Variants in SLC17A9 observed in about 807,000 individuals in gnomAD.
SLC17A9 encodes the protein solute carrier family 17 member 9, also known as voltage-gated purine nucleotide uniporter SLC17A9.
A neutral mutation model predicts 55.0 loss-of-function variants in SLC17A9; 49 were observed. That is an observed-to-expected ratio of 0.89 (90% CI 0.71 to 1.13). SLC17A9 has a LOEUF of 1.13. Ranked by LOEUF, SLC17A9 falls within the 50% of genes most tolerant of loss-of-function variation. SLC17A9 has a pLI of 0.00. For missense variants in SLC17A9, 526 were observed against 569.3 expected (o/e 0.92, Z 0.77); for synonymous variants, 256 against 247.4 (o/e 1.03, Z -0.32).
In SLC17A9 at chr20:62,956,855, C is replaced by A. The variant is rs376627851; in HGVS notation, c.150C>A (p.Ser50=). The A allele has an allele frequency of 1.2e-6, 2 of 1,613,414 alleles. No individual in the cohort carries two copies. Among genetic ancestry groups the A allele is most frequent in the African/African-American group, 2.7e-5 (2 of 74,944 alleles). ...ARSSMPICTV[S]MSQDFGWNKK... Reference sequence around the variant, plus strand: ...CCAGCATGCCCATCTGCACCGTCTCCATGAGCCAGGACTTCGGCTGGAACA... The same window carrying A: ...CCAGCATGCCCATCTGCACCGTCTCAATGAGCCAGGACTTCGGCTGGAACA... Residue 50 remains serine (S), a synonymous_variant, in exon 2 of 13, where the codon TCC becomes TCA. Transcript: ENST00000370351.
chr20:62,953,382 G>C, intron 1 of SLC17A9: 1 of 1,333,092 alleles, frequency 7.5e-7, no homozygotes, highest in Non-Finnish European at 1.0e-6. Flanking sequence ...AGCTCTCGGA[G>C]CATTTGGTGG....
chr20:62,964,105 G>T, intron 7 of SLC17A9, 123 bp from the exon 8 acceptor site: 1 of 934,750 alleles, frequency 1.1e-6, no homozygotes. Flanking sequence ...GAGCAGGGCT[G>T]GCCCTGCCGG....
intron 12 of SLC17A9, 81 bp from the exon 13 acceptor site, chr20:62,967,256 G>A: frequency 6.5e-7 from 1 of 1,546,060 alleles, no homozygotes; most frequent in Non-Finnish European, 8.8e-7. Flanking sequence ...CCTTCCCCTG[G>A]CACTACCTTG....
In SLC17A9 at chr20:62,956,760, C is replaced by T. The variant is rs370503193; in HGVS notation, c.60-5C>T. On this transcript the variant is annotated splice_region_variant and splice_polypyrimidine_tract_variant and intron_variant, in intron 1 of 12. Transcript: ENST00000370351. ...CCCAGGGCCTGACCATCTCCTGTCC[C>T]ACAGGCCCGAGTGCCAGGCATGGAC... 13 of 1,609,950 alleles carry T rather than the reference C, an allele frequency of 8.1e-6. No individual in the cohort carries two copies. Among genetic ancestry groups the T allele is most frequent in the Non-Finnish European group, 1.0e-5 (12 of 1,179,234 alleles).
intron 8 of SLC17A9, among the ~76,000 whole-genome samples, chr20:62,964,531 G>A (rs981420651): frequency 2.6e-5 from 4 of 152,180 alleles, no homozygotes; most frequent in Admixed American, 2.0e-4. Flanking sequence ...CACCCCTGGG[G>A]GCTGGATGCA....
In SLC17A9 at chr20:62,962,708, C is replaced by G; in HGVS notation, c.582C>G (p.Thr194=). Residue 194 remains threonine (T), a synonymous_variant, in exon 5 of 13, where the codon ACC becomes ACG. Transcript: ENST00000370351. This position sits in a 1 kb window ranked among gnomAD's most constrained non-coding sequence, Gnocchi z 5.5. ...TCTTCTATTTCTCCGGCGGCCTCAC[C>G]TTGCTTTGGGTGTGGTACGTGTACA... The part of the protein sequence containing the change: ...QSIFYFSGGL[T]LLWVWYVYRY... 3.7e-6 allele frequency: 6 copies of G among 1,614,114 alleles called. No homozygotes were observed. Among genetic ancestry groups the G allele is most frequent in the Non-Finnish European group, 5.1e-6 (6 of 1,179,972 alleles).
rs2147658058 is a variant in SLC17A9 at position 62,963,968 on chromosome 20, A to G, written c.823-260A>G. ...CTGCTGGCCCACAGAACCCGACTTC[A>G]GAGCCTGAGGAGGCCGGTGCAGAAG... is the stretch of plus-strand genomic sequence containing the variant. On this transcript the variant is annotated intron_variant, in intron 7 of 12. Coordinates refer to ENST00000370351, the MANE Select transcript of SLC17A9 (RefSeq NM_022082.4). The G allele has an allele frequency of 5.0e-6, 3 of 597,448 alleles. No homozygotes were observed. The South Asian group carries it at 6.0e-5, about 12-fold the overall frequency. 37.0% of individuals were successfully genotyped at this position (597,448 alleles called of 1,614,324 possible).
chr20:62,963,507 C>G lies in SLC17A9; in HGVS notation c.726-77C>G, dbSNP rs556361875. 2.0e-5 allele frequency: 31 copies of G among 1,517,206 alleles called. No homozygotes were observed. The Middle Eastern group carries it at 5.1e-4, about 25-fold the overall frequency. 94.0% of individuals were successfully genotyped at this position (1,517,206 alleles called of 1,614,324 possible). A position where few individuals can be genotyped will look rare whatever the true frequency, so the allele number is the denominator to read the frequency against. On this transcript the variant is annotated intron_variant, in intron 6 of 12. Transcript: ENST00000370351. Reference sequence around the variant, plus strand: ...AAGTGGGACTCTGGCCCCCAGGGGACGCCTCTCGGGGTGGGTCCCACAGGC... The same window carrying G: ...AAGTGGGACTCTGGCCCCCAGGGGAGGCCTCTCGGGGTGGGTCCCACAGGC...
chr20:62,957,513 C>A lies in SLC17A9; in HGVS notation c.330C>A (p.Leu110=). Residue 110 remains leucine, a synonymous_variant, in exon 3 of 13, where the codon CTC becomes CTA. Transcript: ENST00000370351. ...WGSITAVTPL[L]AHLSSAHLAF... ...CCATCACGGCCGTCACCCCACTGCTCGCCCACCTGAGCAGTGCCCACCTGG... is the reference window on the plus strand; with the variant it reads ...CCATCACGGCCGTCACCCCACTGCTAGCCCACCTGAGCAGTGCCCACCTGG... 2 of 1,610,130 alleles carry A rather than the reference C, an allele frequency of 1.2e-6. No individual in the cohort carries two copies. Among genetic ancestry groups the A allele is most frequent in the Non-Finnish European group, 1.7e-6 (2 of 1,178,820 alleles).
chr20:62,954,105 G>C (rs971337817), intron 1 of SLC17A9, among the ~76,000 whole-genome samples: 1 of 118,050 alleles, frequency 8.5e-6, no homozygotes, highest in East Asian at 2.1e-4. Flanking sequence ...TCCCAGGCTC[G>C]ATGTTTAAAA....
chr20:62,963,227 G>T (rs367609988), intron 5 of SLC17A9, 46 bp from the exon 6 acceptor site: 10 of 1,592,502 alleles, frequency 6.3e-6, no homozygotes, highest in South Asian at 4.4e-5. Context: ...AACGGGTGGC[G>T]CCTCCCGCCC....
chr20:62,967,631 T>G lies in SLC17A9; in HGVS notation c.*131T>G. ...GAGGAACACAAACCACTGTGGAGCC[T>G]GAAGCTCCTTAAGAAGAGTCCACAA... On this transcript the variant is annotated 3_prime_UTR_variant, in exon 13 of 13. Coordinates refer to ENST00000370351, the MANE Select transcript of SLC17A9 (RefSeq NM_022082.4). The G allele has an allele frequency of 2.6e-6, 2 of 761,872 alleles. No homozygotes were observed. Among genetic ancestry groups the G allele is most frequent in the South Asian group, 4.8e-5 (2 of 41,936 alleles). 47.2% of individuals were successfully genotyped at this position (761,872 alleles called of 1,614,324 possible). A position where few individuals can be genotyped will look rare whatever the true frequency, so the allele number is the denominator to read the frequency against.
At chr20:62,959,508 C>T (rs993148786) in intron 3 of SLC17A9, among the ~76,000 whole-genome samples, 1 of 152,222 alleles carries the variant, frequency 6.6e-6, no homozygotes, top group Admixed American at 6.5e-5. Context: ...CTGGCTTTGC[C>T]GTGTTTGTGC....
Position 62,969,480 on chromosome 20 carries a change from G to A in SLC17A9, c.*1980G>A, listed in dbSNP as rs887799314. The A allele has an allele frequency of 5.3e-5, 8 of 152,164 alleles. No individual in the cohort carries two copies. The highest frequency in any genetic ancestry group is 4.4e-5 in the Non-Finnish European group (3 of 68,028). 9.4% of individuals were successfully genotyped at this position (152,164 alleles called of 1,614,324 possible). A position where few individuals can be genotyped will look rare whatever the true frequency, so the allele number is the denominator to read the frequency against. On this transcript the variant is annotated 3_prime_UTR_variant, in exon 13 of 13. Transcript: ENST00000370351. ...GTGGGCGCACGCTGGGTTTGCCTACGTCTGGCTTACTTCACTCAGCAGAGT... is the reference window on the plus strand; with the variant it reads ...GTGGGCGCACGCTGGGTTTGCCTACATCTGGCTTACTTCACTCAGCAGAGT...
intron 8 of SLC17A9, among the ~76,000 whole-genome samples, chr20:62,964,751 C>A (rs1035660707): frequency 6.6e-6 from 1 of 152,258 alleles, no homozygotes; most frequent in Admixed American, 6.5e-5. Flanking sequence ...TCTCTCCACA[C>A]GTGTGCCTAT....
At chr20:62,964,797 G>T (rs932111213) in intron 8 of SLC17A9, among the ~76,000 whole-genome samples, 1 of 152,228 alleles carries the variant, frequency 6.6e-6, no homozygotes, top group Admixed American at 6.5e-5. Flanking sequence ...ATTGCAAAAG[G>T]AATACACACT....
In SLC17A9 at chr20:62,962,489, C is replaced by G. The variant is rs2065596903; in HGVS notation, c.498-135C>G. On this transcript the variant is annotated intron_variant, in intron 4 of 12. Transcript: ENST00000370351. The surrounding 1 kb of genome is among the most constrained non-coding windows in gnomAD (Gnocchi z 5.5). ...ACAGGCCAGGACGGTGGCTTCTGAG[C>G]TGCTCCTCTGGAGGCGATGAAAACA... is the stretch of plus-strand genomic sequence containing the variant. 1 of 1,160,062 alleles carries G rather than the reference C, an allele frequency of 8.6e-7. No individual in the cohort carries two copies. Among genetic ancestry groups the G allele is most frequent in the Non-Finnish European group, 1.2e-6 (1 of 841,176 alleles). 71.9% of individuals were successfully genotyped at this position (1,160,062 alleles called of 1,614,324 possible).
chr20:62,962,077 G>A lies in SLC17A9; in HGVS notation c.498-547G>A, dbSNP rs2065593708. Among the ~76,000 whole-genome samples, 1 of 152,240 alleles carries A rather than the reference G, an allele frequency of 6.6e-6. No individual in the cohort carries two copies. The highest frequency in any genetic ancestry group is 2.4e-5 in the African/African-American group (1 of 41,460). On this transcript the variant is annotated intron_variant, in intron 4 of 12. Coordinates refer to ENST00000370351, the MANE Select transcript of SLC17A9 (RefSeq NM_022082.4). This position sits in a 1 kb window ranked among gnomAD's most constrained non-coding sequence, Gnocchi z 5.5. ...AGATGGGGGCTGGGCCGCCAGCCAGGTTGCACCCAGAAGGGAGCCTCTGAG... is the reference window on the plus strand; with the variant it reads ...AGATGGGGGCTGGGCCGCCAGCCAGATTGCACCCAGAAGGGAGCCTCTGAG...
rs200943155 is a variant in SLC17A9 at position 62,956,963 on chromosome 20, G to T, written c.257+1G>T. 1,191 of 1,613,266 alleles carry T rather than the reference G, an allele frequency of 7.4e-4. 4 individuals carry two copies. The African/African-American group carries it at 0.013, about 18-fold the overall frequency. On this transcript the variant is annotated splice_donor_variant, in intron 2 of 12. Transcript: ENST00000370351. LOFTEE classifies it high-confidence loss of function. ...TTGTGGGCGGCCACCTCGGGGATCG[G>T]TAACTGCCCATCTTCCCCATCTCCT...
Sources: allele counts gnomAD v4.1 joint callset (sites outside exome capture counted in the v4.1 genomes callset), GRCh38; gene constraint gnomAD v4.1.1; non-coding constraint Gnocchi (gnomAD v3.1); transcripts MANE v1.5; gene names NCBI Gene and HGNC (gene_info 2026-07-23, HGNC 2026-07-21).